SPTB: variants seen among roughly 807,000 people sequenced by gnomAD.
SPTB encodes spectrin beta, erythrocytic.
SPTB carries 45 observed loss-of-function variants against 256.2 expected under a neutral mutation model. That is an observed-to-expected ratio of 0.18 (90% CI 0.14 to 0.23). The LOEUF is 0.23. SPTB is among the 10% of genes least tolerant of loss of function. The probability of loss-of-function intolerance (pLI) is 1.00; values close to 1 mark genes in which losing one functional copy is unlikely to be tolerated. For missense variants in SPTB, 2,715 were observed against 3,040.4 expected (o/e 0.89, Z 2.52); for synonymous variants, 1,231 against 1,243.1 (o/e 0.99, Z 0.21).
In SPTB at chr14:64,867,150, A is replaced by G. The variant is rs142858011; in HGVS notation, c.-52+12642T>C. ...AGAGGTGGAAGACAGCCTCCACTCAAGTCTAAAGCAATCCTCTTCCCTCCT... is the reference window on the plus strand; with the variant it reads ...AGAGGTGGAAGACAGCCTCCACTCAGGTCTAAAGCAATCCTCTTCCCTCCT... On this transcript the variant is annotated intron_variant, in intron 1 of 35. Coordinates refer to ENST00000644917, the MANE Select transcript of SPTB (RefSeq NM_001355436.2). 2.3e-3 allele frequency among the ~76,000 whole-genome samples: 345 copies of G among 152,342 alleles called. 3 individuals are homozygous for G. The highest frequency in any genetic ancestry group is 8.1e-3 in the African/African-American group (335 of 41,576).
At position 64,767,571 on chromosome 14, in the gene SPTB, A is replaced by C; in HGVS notation, c.6219+92T>G. 11 of 1,529,256 alleles carry C rather than the reference A, an allele frequency of 7.2e-6. No individual in the cohort carries two copies. In the South Asian group the frequency reaches 1.1e-4, roughly 16 times the overall value. 94.7% of individuals were successfully genotyped at this position (1,529,256 alleles called of 1,614,324 possible). ...TGGCCAAGCCTGTCACACCATTCTA[A>C]GTACCTAACAACTGGCCTGGAGTCC... On this transcript the variant is annotated intron_variant, in intron 30 of 35. Coordinates refer to ENST00000644917, the MANE Select transcript of SPTB (RefSeq NM_001355436.2).
At chr14:64,781,107 A>C (rs2082462334) in intron 20 of SPTB, among the ~76,000 whole-genome samples, 1 of 152,218 alleles carries the variant, frequency 6.6e-6, no homozygotes, top group South Asian at 2.1e-4. Flanking sequence ...GTAAAACCCA[A>C]AACTATAAAA....
At chr14:64,817,853 A>C (rs2139683188) in intron 2 of SPTB, among the ~76,000 whole-genome samples, 1 of 152,364 alleles carries the variant, frequency 6.6e-6, no homozygotes, top group South Asian at 2.1e-4. Context: ...GCAGCATCCG[A>C]GGAATGTCTG....
rs1178260040 is a variant in SPTB at position 64,779,999 on chromosome 14, C to A, written c.4267-68G>T. On this transcript the variant is annotated intron_variant, in intron 20 of 35. Coordinates refer to ENST00000644917, the MANE Select transcript of SPTB (RefSeq NM_001355436.2). The surrounding 1 kb of genome is among the most constrained non-coding windows in gnomAD (Gnocchi z 4.2). ...GCACAGCCCCTCCATCTTCTTCATT[C>A]ATCTGCATCCCACCCATCCTTTAAG... 1.5e-6 allele frequency: 2 copies of A among 1,372,734 alleles called. No homozygotes were observed. The highest frequency in any genetic ancestry group is 2.1e-6 in the Non-Finnish European group (2 of 961,724). The allele number at this position is 1,372,734 out of a possible 1,614,324, so 85.0% of individuals were successfully genotyped here.
In SPTB at chr14:64,767,312, T is replaced by C. The variant is rs201339590; in HGVS notation, c.6260A>G (p.Glu2087Gly). 1.9e-6 allele frequency: 3 copies of C among 1,614,082 alleles called. No homozygotes were observed. Among genetic ancestry groups the C allele is most frequent in the South Asian group, 2.2e-5 (2 of 91,086 alleles). Residue 2087 changes from glutamate to glycine, a missense_variant, in exon 31 of 36, where the codon GAG (glutamate) becomes GGG (glycine). Transcript: ENST00000644917. ...CACGGCCACCACTCACCCAGTCTCC[T>C]CTGCGGGTCTCTCTGCAATCTGGCG... ...KERQIAERPA[E>G]ETGPQEEEGE...
At chr14:64,763,320 C>A (rs953350235) in intron 32 of SPTB, among the ~76,000 whole-genome samples, 1 of 152,230 alleles carries the variant, frequency 6.6e-6, no homozygotes, top group African/African-American at 2.4e-5. Context: ...ACCTGGGCCT[C>A]CTTCAGGGCA....
chr14:64,809,895 G>A (rs565839477), intron 2 of SPTB, among the ~76,000 whole-genome samples: 1 of 152,102 alleles, frequency 6.6e-6, no homozygotes, highest in South Asian at 2.1e-4. Context: ...CTGAGGTCTT[G>A]AATAAAAAAC....
chr14:64,853,692 G>A lies in SPTB; in HGVS notation c.-52+26100C>T, dbSNP rs147233350. ...GCCAAGGGACAGTTGTATTCAATGG[G>A]AAAGACCTGAACTTATCTATAGGCA... is the stretch of plus-strand genomic sequence containing the variant. On this transcript the variant is annotated intron_variant, in intron 1 of 35. Transcript: ENST00000644917. This position sits in a 1 kb window ranked among gnomAD's most constrained non-coding sequence, Gnocchi z 4.3. Among the ~76,000 whole-genome samples the A allele has an allele frequency of 6.6e-6, 1 of 152,296 alleles. No individual in the cohort carries two copies. The highest frequency in any genetic ancestry group is 1.5e-5 in the Non-Finnish European group (1 of 68,024).
intron 1 of SPTB, among the ~76,000 whole-genome samples, chr14:64,878,901 T>C (rs1882963265): frequency 6.6e-6 from 1 of 152,170 alleles, no homozygotes; most frequent in Non-Finnish European, 1.5e-5. Flanking sequence ...GTTTGGATAT[T>C]AATAGGCTGT....
intron 1 of SPTB, among the ~76,000 whole-genome samples, chr14:64,832,413 C>T (rs150413648): frequency 1.8e-3 from 279 of 152,310 alleles, no homozygotes; most frequent in African/African-American, 6.5e-3. Context: ...CCTTTGCCTG[C>T]TCTGTGGGCT....
At chr14:64,851,089 T>A (rs2083777009) in intron 1 of SPTB, among the ~76,000 whole-genome samples, 1 of 152,222 alleles carries the variant, frequency 6.6e-6, no homozygotes, top group Non-Finnish European at 1.5e-5. Flanking sequence ...ACTTTTAGAT[T>A]CTTTTTACTT....
At chr14:64,770,012 T>C (rs2082254162) in intron 27 of SPTB, among the ~76,000 whole-genome samples, 1 of 152,252 alleles carries the variant, frequency 6.6e-6, no homozygotes, top group Non-Finnish European at 1.5e-5. Context: ...GGAGTACTGA[T>C]TGATGCTACA....
At chr14:64,780,017 C>A in intron 20 of SPTB, 86 bp from the exon 21 acceptor site, 1 of 1,178,802 alleles carries the variant, frequency 8.5e-7, no homozygotes, top group Non-Finnish European at 1.3e-6. Flanking sequence ...TCCCACCCAT[C>A]CTTTAAGGCC....
intron 28 of SPTB, 145 bp from the exon 29 acceptor site, chr14:64,769,263 G>A (rs2082241334): frequency 2.4e-6 from 2 of 849,126 alleles, no homozygotes; most frequent in Non-Finnish European, 3.9e-6. Context: ...CCAGCTGTGT[G>A]GCCTGGGGCA....
chr14:64,763,121 CCTT>C (rs2082117978), intron 32 of SPTB, among the ~76,000 whole-genome samples: 1 of 152,230 alleles, frequency 6.6e-6, no homozygotes, highest in Admixed American at 6.5e-5. Context: ...CAATCCACCT[CCTT>C]CTCTCCCAGG....
At chr14:64,857,101 T>C (rs921378532) in intron 1 of SPTB, among the ~76,000 whole-genome samples, 1 of 152,102 alleles carries the variant, frequency 6.6e-6, no homozygotes, top group Non-Finnish European at 1.5e-5. Context: ...AACCCCAAAA[T>C]GCAGCATGTG....
chr14:64,806,415 T>C lies in SPTB; in HGVS notation c.149-1325A>G, dbSNP rs2082984848. ...GATCACAGCCAGGACATACCTGGAGTGGCCTAGCCAGGAGCGGGGTCTGCC... is the reference window on the plus strand; with the variant it reads ...GATCACAGCCAGGACATACCTGGAGCGGCCTAGCCAGGAGCGGGGTCTGCC... On this transcript the variant is annotated intron_variant, in intron 2 of 35. Coordinates refer to ENST00000644917, the MANE Select transcript of SPTB (RefSeq NM_001355436.2). The surrounding 1 kb of genome is among the most constrained non-coding windows in gnomAD (Gnocchi z 4.1). Among the ~76,000 whole-genome samples the C allele has an allele frequency of 6.6e-6, 1 of 152,058 alleles. No individual in the cohort carries two copies. Among genetic ancestry groups the C allele is most frequent in the African/African-American group, 2.4e-5 (1 of 41,406 alleles).
In SPTB at chr14:64,758,272, G is replaced by C. The variant is rs1252420966; in HGVS notation, c.6346-4479C>G. 6.6e-6 allele frequency among the ~76,000 whole-genome samples: 1 copy of C among 152,234 alleles called. No individual in the cohort carries two copies. The highest frequency in any genetic ancestry group is 2.4e-5 in the African/African-American group (1 of 41,464). On this transcript the variant is annotated intron_variant, in intron 32 of 35. Transcript: ENST00000644917. The surrounding 1 kb of genome is among the most constrained non-coding windows in gnomAD (Gnocchi z 4.6). ...AGCAGATGCTCAGGACTGAGAAATGGGGAATGGGAATCTCAGCCACTGGCA... is the reference window on the plus strand; with the variant it reads ...AGCAGATGCTCAGGACTGAGAAATGCGGAATGGGAATCTCAGCCACTGGCA...
chr14:64,857,689 A>G (rs1259098888), intron 1 of SPTB, among the ~76,000 whole-genome samples: 1 of 152,168 alleles, frequency 6.6e-6, no homozygotes, highest in Non-Finnish European at 1.5e-5. Flanking sequence ...AGGGACTTCA[A>G]GAAAATATCT....
Sources: gnomAD v4.1 joint callset for allele counts (sites outside exome capture counted in the v4.1 genomes callset) on GRCh38, gnomAD v4.1.1 for gene constraint, Gnocchi (gnomAD v3.1) non-coding constraint, MANE v1.5 for transcripts, NCBI Gene and HGNC (gene_info 2026-07-23, HGNC 2026-07-21) for gene names.